CREM: variants seen among roughly 807,000 people sequenced by gnomAD.
CREM encodes cAMP responsive element modulator, also known as cAMP-responsive element modulator.
A neutral mutation model predicts 37.3 loss-of-function variants in CREM; 13 were observed. That is an observed-to-expected ratio of 0.35 (90% CI 0.23 to 0.55). The LOEUF is 0.55. CREM is among the 20% of genes least tolerant of loss of function. CREM has a pLI of 0.88. For missense variants in CREM, 296 were observed against 362.3 expected (o/e 0.82, Z 1.49); for synonymous variants, 124 against 120.2 (o/e 1.03, Z -0.21).
intron 3 of CREM, chr10:35,154,285 A>G (rs548211143): frequency 6.5e-5 from 25 of 386,600 alleles, no homozygotes; most frequent in Admixed American, 6.3e-4. Context: ...GTAGATGGCA[A>G]TCACAAAACA....
intron 3 of CREM, chr10:35,154,659 T>TC (rs1415313204): frequency 6.6e-6 from 1 of 152,204 alleles, no homozygotes; most frequent in Non-Finnish European, 1.5e-5. Context: ...ACATTTGTAT[T>TC]CTGTTAGAAT....
rs1436038710 is a variant in CREM at position 35,127,088 on chromosome 10, T to G, written c.-160T>G. 3 of 152,726 alleles carry G rather than the reference T, an allele frequency of 2.0e-5. No homozygotes were observed. The highest frequency in any genetic ancestry group is 7.2e-5 in the African/African-American group (3 of 41,420). The allele number at this position is 152,726 out of a possible 1,614,324, so 9.5% of individuals were successfully genotyped here. A position where few individuals can be genotyped will look rare whatever the true frequency, so the allele number is the denominator to read the frequency against. On this transcript the variant is annotated 5_prime_UTR_variant, in exon 1 of 8. Coordinates refer to ENST00000685392, the MANE Select transcript of CREM (RefSeq NM_183011.2). ...CGTGGGGCCGCTGCCGGCTCCGGGT[T>G]GCTGGGCGGCGGCGCCGCTGCTGAG...
chr10:35,187,198 TA>T (rs1425575768), intron 5 of CREM, among the ~76,000 whole-genome samples: 5 of 77,364 alleles, frequency 6.5e-5, no homozygotes, highest in Non-Finnish European at 1.0e-4. Context: ...TATATTAATA[TA>T]TAATATATAT....
chr10:35,210,139 T>C (rs535596224), intron 7 of CREM, among the ~76,000 whole-genome samples: 1 of 152,194 alleles, frequency 6.6e-6, no homozygotes. Context: ...AACTGGTGTT[T>C]AGACATTCAA....
At chr10:35,175,273 C>T (rs773875492) in intron 3 of CREM, among the ~76,000 whole-genome samples, 10 of 152,302 alleles carry the variant, frequency 6.6e-5, no homozygotes, top group Middle Eastern at 3.4e-3. Context: ...GGTGAAACCC[C>T]GTCTCTACTA....
At chr10:35,191,102 A>ATTTATTTC (rs1158290907) in intron 6 of CREM, among the ~76,000 whole-genome samples, 1 of 151,046 alleles carries the variant, frequency 6.6e-6, no homozygotes, top group Non-Finnish European at 1.5e-5. Context: ...TTATTTATTT[A>ATTTATTTC]TTTATTATAC....
chr10:35,162,770 C>T lies in CREM; in HGVS notation c.168+14279C>T, dbSNP rs189085997. On this transcript the variant is annotated intron_variant, in intron 3 of 7. Coordinates refer to ENST00000685392, the MANE Select transcript of CREM (RefSeq NM_183011.2). ...GACTTCTCAGAGGCCACAGTAGAGG[C>T]CAGTTGTAGCAAATTTGGTTGAAAA... 2.5e-3 allele frequency among the ~76,000 whole-genome samples: 384 copies of T among 152,148 alleles called. 3 individuals are homozygous for T. Among genetic ancestry groups the T allele is most frequent in the African/African-American group, 9.0e-3 (372 of 41,512 alleles).
chr10:35,195,309 A>C, intron 6 of CREM: 1 of 1,447,236 alleles, frequency 6.9e-7, no homozygotes, highest in Non-Finnish European at 9.7e-7. Flanking sequence ...AGAAAGTGTT[A>C]CTCTCCTAGT....
At chr10:35,187,006 A>ATATTATATATT (rs1564919827) in intron 5 of CREM, among the ~76,000 whole-genome samples, 1 of 87,570 alleles carries the variant, frequency 1.1e-5, no homozygotes, top group Non-Finnish European at 2.0e-5. Flanking sequence ...TATTATATAT[A>ATATTATATATT]ATATAATATA....
chr10:35,175,558 G>A (rs2094017168), intron 3 of CREM: 1 of 946,408 alleles, frequency 1.1e-6, no homozygotes, highest in Non-Finnish European at 1.7e-6. Flanking sequence ...TGAGGTCGTA[G>A]TGAGGTAGTT....
intron 3 of CREM, among the ~76,000 whole-genome samples, chr10:35,173,409 G>T (rs1418444350): frequency 6.6e-6 from 1 of 152,158 alleles, no homozygotes; most frequent in Non-Finnish European, 1.5e-5. Flanking sequence ...TGTAGAAGTA[G>T]ATATGAGAAT....
At chr10:35,195,630 C>T (rs1408465883) in intron 6 of CREM, among the ~76,000 whole-genome samples, 4 of 152,104 alleles carry the variant, frequency 2.6e-5, no homozygotes, top group African/African-American at 9.7e-5. Context: ...CAGTATATAC[C>T]GTTCATGTTC....
intron 3 of CREM, among the ~76,000 whole-genome samples, chr10:35,162,937 G>A (rs1239260607): frequency 2.0e-5 from 3 of 152,114 alleles, no homozygotes; most frequent in Non-Finnish European, 4.4e-5. Flanking sequence ...TGGGAGAGGA[G>A]CAGTGGCTCA....
At chr10:35,199,188 G>C (rs1030035948) in intron 6 of CREM, among the ~76,000 whole-genome samples, 2 of 152,188 alleles carry the variant, frequency 1.3e-5, no homozygotes, top group Non-Finnish European at 2.9e-5. Context: ...AGGTGTGACA[G>C]CTTCTTGAAG....
In CREM at chr10:35,179,215, A is replaced by T; in HGVS notation, c.348A>T (p.Pro116=). Residue 116 remains proline (P), a synonymous_variant, in exon 5 of 8, where the codon CCA becomes CCT. Transcript: ENST00000685392. ...EEERSEEEGT[P]PSIATMAVPT... The stretch of plus-strand genomic sequence containing the variant: ...AGAGATCAGAGGAAGAAGGAACACC[A>T]CCTAGTATTGCTACCATGGCAGTAC... 1.2e-6 allele frequency: 2 copies of T among 1,614,118 alleles called. No individual in the cohort carries two copies. The highest frequency in any genetic ancestry group is 1.7e-6 in the Non-Finnish European group (2 of 1,179,978).
intron 1 of CREM, among the ~76,000 whole-genome samples, chr10:35,130,290 T>G (rs1675866428): frequency 6.6e-6 from 1 of 151,886 alleles, no homozygotes; most frequent in Non-Finnish European, 1.5e-5. Flanking sequence ...ATGTTAATAA[T>G]CTCCTTTTAG....
chr10:35,159,132 GAAC>G (rs1444731947), intron 3 of CREM, among the ~76,000 whole-genome samples: 1 of 152,042 alleles, frequency 6.6e-6, no homozygotes, highest in Non-Finnish European at 1.5e-5. Context: ...CTAATGATTA[GAAC>G]AACAATATTG....
At chr10:35,179,485 T>G (rs1160570457) in intron 5 of CREM, 6 of 543,296 alleles carry the variant, frequency 1.1e-5, no homozygotes, top group Non-Finnish European at 1.7e-5. Flanking sequence ...AAATTTTGAC[T>G]GCCGAATATA....
intron 3 of CREM, chr10:35,167,727 T>A: frequency 6.2e-7 from 1 of 1,613,986 alleles, no homozygotes; most frequent in Non-Finnish European, 8.5e-7. Flanking sequence ...TTTTGGTGGA[T>A]GTGGTGGCAT....
Sources: gnomAD v4.1 joint callset for allele counts (sites outside exome capture counted in the v4.1 genomes callset) on GRCh38, gnomAD v4.1.1 for gene constraint, MANE v1.5 for transcripts, NCBI Gene and HGNC (gene_info 2026-07-23, HGNC 2026-07-21) for gene names.